SCLY: variants seen among roughly 807,000 people sequenced by gnomAD.
SCLY encodes the protein selenocysteine lyase.
Under a neutral mutation model 50.1 loss-of-function variants are expected in SCLY, and 38 were observed. That is an observed-to-expected ratio of 0.76 (90% CI 0.59 to 0.99). The LOEUF is 0.99. Ranked by LOEUF, SCLY falls within the 50% of genes least tolerant of loss-of-function variation. The probability of loss-of-function intolerance (pLI) is 0.00; values close to 1 mark genes in which losing one functional copy is unlikely to be tolerated. For missense variants in SCLY, 600 were observed against 620.0 expected, an observed-to-expected ratio of 0.97 and a Z score of 0.34; for synonymous variants, 243 against 249.4, an observed-to-expected ratio of 0.97 and a Z score of 0.24.
At position 238,064,466 on chromosome 2, in the gene SCLY, G is replaced by A. The variant is rs1177526609; in HGVS notation, c.199G>A (p.Ala67Thr). ...AWGNPSSPYS[A>T]GRKAKDIINA... Reference sequence around the variant, plus strand: ...GGGAAATCCCAGCAGCCCGTATTCAGCAGGTAATTCTAGAAGATGCACGTG... The same window carrying A: ...GGGAAATCCCAGCAGCCCGTATTCAACAGGTAATTCTAGAAGATGCACGTG... Residue 67 changes from alanine (A) to threonine (T), a missense_variant, in exon 2 of 12, where the codon GCA (alanine) becomes ACA (threonine). Coordinates refer to ENST00000254663, the MANE Select transcript of SCLY (RefSeq NM_016510.7). The A allele has an allele frequency of 1.2e-6, 2 of 1,602,202 alleles. No individual in the cohort carries two copies. Among genetic ancestry groups the A allele is most frequent in the East Asian group, 4.5e-5 (2 of 44,166 alleles).
At chr2:238,097,997 C>T (rs375927159) in intron 11 of SCLY, among the ~76,000 whole-genome samples, 57 of 152,204 alleles carry the variant, frequency 3.7e-4, no homozygotes, top group African/African-American at 1.2e-3. Context: ...GCAGGGAGAA[C>T]GGGGGCGACT....
chr2:238,085,321 A>G (rs2065282369), intron 7 of SCLY, among the ~76,000 whole-genome samples: 1 of 152,208 alleles, frequency 6.6e-6, no homozygotes, highest in Non-Finnish European at 1.5e-5. Context: ...CAGCCAAAAT[A>G]TAAAGCTCAG....
chr2:238,079,898 T>G (rs952400980), intron 4 of SCLY: 14 of 152,244 alleles, frequency 9.2e-5, no homozygotes, highest in African/African-American at 3.4e-4. Flanking sequence ...CTCCTGCCCT[T>G]CTGCTACTCC....
intron 8 of SCLY, chr2:238,091,561 G>GAATCT: frequency 2.6e-5 from 8 of 302,696 alleles, no homozygotes; most frequent in Admixed American, 9.6e-5. Flanking sequence ...ATTCCCAAAG[G>GAATCT]CGTCGGCAGC....
intron 3 of SCLY, 124 bp downstream of exon 3, chr2:238,068,289 CTGT>C: frequency 4.0e-6 from 3 of 742,386 alleles, no homozygotes; most frequent in Non-Finnish European, 6.3e-6. Flanking sequence ...TGGCTCATGC[CTGT>C]AATCCCAGTA....
rs144982752 is a variant in SCLY, at chr2:238,068,129, A to C, written c.267A>C (p.Lys89Asn). The C allele has an allele frequency of 7.4e-6, 12 of 1,611,340 alleles. No homozygotes were observed. The South Asian group carries it at 1.2e-4, about 16-fold the overall frequency. ...RESLAKMIGG[K>N]PQDIIFTSGG... ...GCCTCGCGAAGATGATAGGGGGGAA[A>C]CCTCAAGATATAATCTTCACTTCCG... is the stretch of plus-strand genomic sequence containing the variant. Residue 89 changes from lysine to asparagine, a missense_variant, in exon 3 of 12, where the codon AAA (lysine) becomes AAC (asparagine). By Grantham distance (94) the Lys-to-Asn change is moderately conservative. Transcript: ENST00000254663.
At chr2:238,072,892 T>TTTG (rs753655025) in intron 4 of SCLY, among the ~76,000 whole-genome samples, 2 of 152,134 alleles carry the variant, frequency 1.3e-5, no homozygotes, top group Admixed American at 6.6e-5. Flanking sequence ...GAAGTCTATT[T>TTTG]TTGTTGTTGT....
intron 6 of SCLY, chr2:238,082,911 A>C (rs1437974464): frequency 5.2e-5 from 18 of 343,156 alleles, no homozygotes; most frequent in Non-Finnish European, 9.4e-5. Flanking sequence ...CTATTTATGC[A>C]TTCTCTTTCT....
chr2:238,088,401 G>T (rs1025554605), intron 7 of SCLY, among the ~76,000 whole-genome samples: 1 of 152,142 alleles, frequency 6.6e-6, no homozygotes, highest in Non-Finnish European at 1.5e-5. Flanking sequence ...AACAGAGTTT[G>T]CATGAGCTGA....
At chr2:238,097,011 G>A in intron 11 of SCLY, 135 bp downstream of exon 11, 1 of 820,336 alleles carries the variant, frequency 1.2e-6, no homozygotes, top group Non-Finnish European at 1.9e-6. Flanking sequence ...CCCTAGGAGG[G>A]GCAGAGGGAG....
At position 238,082,218 on chromosome 2, in the gene SCLY, G is replaced by T. The variant is rs2065245927; in HGVS notation, c.777+9G>T. 6.3e-7 allele frequency: 1 copy of T among 1,588,680 alleles called. No homozygotes were observed. On this transcript the variant is annotated intron_variant, in intron 6 of 11. Coordinates refer to ENST00000254663, the MANE Select transcript of SCLY (RefSeq NM_016510.7). ...CAATCGTGGGGCACAAGGTAAGTCT[G>T]CAGAGGCTTCCTGCCTCTGTGGGCA... is the stretch of plus-strand genomic sequence containing the variant.
intron 4 of SCLY, chr2:238,073,798 G>A (rs1379229133): frequency 2.2e-6 from 1 of 463,788 alleles, no homozygotes; most frequent in South Asian, 1.6e-5. Flanking sequence ...TCAATGTGAA[G>A]ATGATGAAGA....
At chr2:238,090,799 T>TACACAC in intron 7 of SCLY, among the ~76,000 whole-genome samples, 1 of 151,146 alleles carries the variant, frequency 6.6e-6, no homozygotes, top group South Asian at 2.1e-4. Flanking sequence ...CTTGCACACA[T>TACACAC]ACACACACAC....
intron 7 of SCLY, among the ~76,000 whole-genome samples, chr2:238,089,686 G>A (rs1369208671): frequency 7.1e-6 from 1 of 140,372 alleles, no homozygotes. Context: ...TATCATTAGT[G>A]TATTTTATAT....
In SCLY at chr2:238,068,061, CAA is replaced by C. The variant is rs746371226; in HGVS notation, c.203-3_203-2del. The C allele has an allele frequency of 1.9e-6, 3 of 1,604,756 alleles. No individual in the cohort carries two copies. The highest frequency in any genetic ancestry group is 2.6e-6 in the Non-Finnish European group (3 of 1,175,782). ...TTAATGAATTTCCTTTTTGGTCCCT[CAA>C]GGAAGAAAGGCCAAGGATATTATAA... On this transcript the variant is annotated splice_acceptor_variant and splice_polypyrimidine_tract_variant and intron_variant, in intron 2 of 11. Coordinates refer to ENST00000254663, the MANE Select transcript of SCLY (RefSeq NM_016510.7). LOFTEE classifies it high-confidence loss of function.
At position 238,067,617 on chromosome 2, in the gene SCLY, G is replaced by A. The variant is rs573550170; in HGVS notation, c.203-448G>A. Among the ~76,000 whole-genome samples, 8 of 152,374 alleles carry A rather than the reference G, an allele frequency of 5.3e-5. No homozygotes were observed. Among genetic ancestry groups the A allele is most frequent in the Non-Finnish European group, 7.3e-5 (5 of 68,040 alleles). On this transcript the variant is annotated intron_variant, in intron 2 of 11. Coordinates refer to ENST00000254663, the MANE Select transcript of SCLY (RefSeq NM_016510.7). This position sits in a 1 kb window ranked among gnomAD's most constrained non-coding sequence, Gnocchi z 4.3. ...GTACCCTGTGGGCGACATGCAAAAT[G>A]AGATATGGCACTGGACTTCGCGTCG...
In SCLY at chr2:238,083,406, G is replaced by C; in HGVS notation, c.884+52G>C. The C allele has an allele frequency of 7.7e-7, 1 of 1,292,018 alleles. No homozygotes were observed. Among genetic ancestry groups the C allele is most frequent in the Non-Finnish European group, 1.1e-6 (1 of 887,124 alleles). 80.0% of individuals were successfully genotyped at this position (1,292,018 alleles called of 1,614,324 possible). On this transcript the variant is annotated intron_variant, in intron 7 of 11. Coordinates refer to ENST00000254663, the MANE Select transcript of SCLY (RefSeq NM_016510.7). The surrounding 1 kb of genome is among the most constrained non-coding windows in gnomAD (Gnocchi z 4.3). The stretch of plus-strand genomic sequence containing the variant: ...TGACCTACTGACCGTGTCATTTGTA[G>C]AGCAGTGACATTGTAAAGAAACATG...
intron 4 of SCLY, chr2:238,081,478 A>G (rs547740692): frequency 6.0e-6 from 3 of 503,628 alleles, no homozygotes; most frequent in Admixed American, 7.4e-5. Context: ...CACAGCTTCC[A>G]CGACACAGAT....
At position 238,083,702 on chromosome 2, in the gene SCLY, C is replaced by T. The variant is rs1270444823; in HGVS notation, c.884+348C>T. Reference sequence around the variant, plus strand: ...GTTTTAACTTCGGGGATCAGCAGGACCACACAGAAGCACTGGTCTCCTTTC... The same window carrying T: ...GTTTTAACTTCGGGGATCAGCAGGATCACACAGAAGCACTGGTCTCCTTTC... On this transcript the variant is annotated intron_variant, in intron 7 of 11. Coordinates refer to ENST00000254663, the MANE Select transcript of SCLY (RefSeq NM_016510.7). This position sits in a 1 kb window ranked among gnomAD's most constrained non-coding sequence, Gnocchi z 4.3. Among the ~76,000 whole-genome samples the T allele has an allele frequency of 6.6e-6, 1 of 152,204 alleles. No homozygotes were observed. Among genetic ancestry groups the T allele is most frequent in the Non-Finnish European group, 1.5e-5 (1 of 68,038 alleles).
Sources: gnomAD v4.1 joint callset for allele counts (sites outside exome capture counted in the v4.1 genomes callset) on GRCh38, gnomAD v4.1.1 for gene constraint, Gnocchi (gnomAD v3.1) non-coding constraint, MANE v1.5 for transcripts, NCBI Gene and HGNC (gene_info 2026-07-23, HGNC 2026-07-21) for gene names.